The following CAMSAP2 variants were observed in gnomAD, a reference collection of about 807,000 sequenced individuals.
CAMSAP2 encodes calmodulin-regulated spectrin-associated protein 2.
CAMSAP2 carries 26 observed loss-of-function variants against 146.1 expected under a neutral mutation model. That is an observed-to-expected ratio of 0.18 (90% CI 0.13 to 0.25). The LOEUF (loss-of-function observed/expected upper bound fraction) is 0.25. Ranked by LOEUF, CAMSAP2 falls within the 10% of genes least tolerant of loss-of-function variation. The pLI, the probability that CAMSAP2 is intolerant of heterozygous loss-of-function variation, is 1.00. For missense variants in CAMSAP2, 1,381 were observed against 1,759.3 expected, an observed-to-expected ratio of 0.78 and a Z score of 3.85; for synonymous variants, 499 against 596.6, an observed-to-expected ratio of 0.84 and a Z score of 2.38.
intron 1 of CAMSAP2, among the ~76,000 whole-genome samples, chr1:200,757,891 A>T (rs1181809346): frequency 6.6e-6 from 1 of 152,220 alleles, no homozygotes; most frequent in African/African-American, 2.4e-5. Context: ...GTTAGTGGAT[A>T]TGCTTTAATG....
At chr1:200,856,218 GGT>G in intron 15 of CAMSAP2, 93 bp downstream of exon 15, 1 of 836,678 alleles carries the variant, frequency 1.2e-6, no homozygotes, top group Non-Finnish European at 1.9e-6. Context: ...CTCACCTTTG[GGT>G]CTTAAACATA....
Position 200,739,979 on chromosome 1 carries a change from A to T in CAMSAP2, c.139+13A>T, listed in dbSNP as rs775539749. On this transcript the variant is annotated intron_variant, in intron 1 of 16. Coordinates refer to ENST00000358823, the MANE Select transcript of CAMSAP2 (RefSeq NM_203459.4). This position sits in a 1 kb window ranked among gnomAD's most constrained non-coding sequence, Gnocchi z 4.8. ...GCCTTTGGGACAGGTTAGTGGTGTC[A>T]CCCTTTCCCTCCCCTCTTCCTCCTG... The T allele has an allele frequency of 6.2e-7, 1 of 1,613,044 alleles. No homozygotes were observed. Among genetic ancestry groups the T allele is most frequent in the Admixed American group, 1.7e-5 (1 of 59,960 alleles).
Position 200,849,578 on chromosome 1 carries a change from A to G in CAMSAP2, c.2809A>G (p.Lys937Glu). Reference sequence around the variant, plus strand: ...ACAGATTCGAGATTTTAAGCCTTCTAAGCAGGCAGGCCTGTCATCAGCCAT... The same window carrying G: ...ACAGATTCGAGATTTTAAGCCTTCTGAGCAGGCAGGCCTGTCATCAGCCAT... ...QKQIRDFKPS[K>E]QAGLSSAIAP... Residue 937 changes from lysine (K) to glutamate (E), a missense_variant, in exon 11 of 17, where the codon AAG becomes GAG. By Grantham distance (56) the Lys-to-Glu change is moderately conservative. Around this residue, in one of 4 missense-constraint regions of CAMSAP2, gnomAD observed 560 missense variants for 715.9 expected, o/e 0.78. Coordinates refer to ENST00000358823, the MANE Select transcript of CAMSAP2 (RefSeq NM_203459.4). The surrounding 1 kb of genome is among the most constrained non-coding windows in gnomAD (Gnocchi z 6.3). 1 of 1,614,170 alleles carries G rather than the reference A, an allele frequency of 6.2e-7. No individual in the cohort carries two copies. Among genetic ancestry groups the G allele is most frequent in the Non-Finnish European group, 8.5e-7 (1 of 1,180,012 alleles).
Position 200,844,850 on chromosome 1 carries a change from A to G in CAMSAP2, c.1090A>G (p.Ser364Gly). 1 of 1,585,574 alleles carries G rather than the reference A, an allele frequency of 6.3e-7. No homozygotes were observed. The highest frequency in any genetic ancestry group is 8.6e-7 in the Non-Finnish European group (1 of 1,166,394). ...NAAKRNVLDS[S>G]SDFPSSGEGA... ...TGCCAAAAGAAATGTCTTAGATAGT[A>G]GTTCTGACTTCCCTTCAAGGTAAAC... Residue 364 changes from serine (S) to glycine (G), a missense_variant, in exon 8 of 17, where the codon AGT (serine) becomes GGT (glycine). Transcript: ENST00000358823.
intron 2 of CAMSAP2, among the ~76,000 whole-genome samples, chr1:200,769,355 T>C (rs753660697): frequency 2.0e-5 from 3 of 152,212 alleles, no homozygotes; most frequent in Non-Finnish European, 4.4e-5. Flanking sequence ...GTTTCTCTTT[T>C]CTTCTTAGAA....
intron 1 of CAMSAP2, among the ~76,000 whole-genome samples, chr1:200,743,667 A>G (rs1278389952): frequency 6.6e-6 from 1 of 152,122 alleles, no homozygotes; most frequent in African/African-American, 2.4e-5. Flanking sequence ...TAGGCTGGGC[A>G]TGGTGGCTCA....
chr1:200,833,408 A>C (rs185260386), intron 6 of CAMSAP2, among the ~76,000 whole-genome samples: 79 of 152,204 alleles, frequency 5.2e-4, no homozygotes, highest in African/African-American at 1.8e-3. Context: ...AATAAATACA[A>C]AAATTAGCTG....
intron 14 of CAMSAP2, among the ~76,000 whole-genome samples, 154 bp from the exon 15 acceptor site, chr1:200,855,856 A>G (rs1411735104): frequency 2.6e-5 from 4 of 152,006 alleles, no homozygotes; most frequent in Non-Finnish European, 5.9e-5. Context: ...CGGCCTCCCA[A>G]AGTGCTGGGA....
chr1:200,844,984 G>T lies in CAMSAP2; in HGVS notation c.1109+115G>T, dbSNP rs1667423346. The T allele has an allele frequency of 6.5e-5, 34 of 520,072 alleles. No individual in the cohort carries two copies. In the South Asian group the frequency reaches 1.1e-3, roughly 17 times the overall value. 32.2% of individuals were successfully genotyped at this position (520,072 alleles called of 1,614,324 possible). ...AAGAATTTCAGTTGGATTTTGAACT[G>T]TTATAATTAGCTTACCCTATTAAAG... On this transcript the variant is annotated intron_variant, in intron 8 of 16. Coordinates refer to ENST00000358823, the MANE Select transcript of CAMSAP2 (RefSeq NM_203459.4).
chr1:200,739,811 A>G lies in CAMSAP2; in HGVS notation c.-17A>G, dbSNP rs1444459677. On this transcript the variant is annotated 5_prime_UTR_variant, in exon 1 of 17. Transcript: ENST00000358823. The surrounding 1 kb of genome is among the most constrained non-coding windows in gnomAD (Gnocchi z 4.8). ...TGAAGGTTAGGGCCGGGACATCCCG[A>G]GGAGCCGCGGTGAAAGATGGGGGAT... 6.4e-6 allele frequency: 10 copies of G among 1,556,952 alleles called. No individual in the cohort carries two copies. The highest frequency in any genetic ancestry group is 8.7e-6 in the Non-Finnish European group (10 of 1,146,116).
chr1:200,781,279 T>G (rs1292345143), intron 2 of CAMSAP2, among the ~76,000 whole-genome samples: 1 of 152,216 alleles, frequency 6.6e-6, no homozygotes, highest in Non-Finnish European at 1.5e-5. Flanking sequence ...ATACTAGGAA[T>G]GTCTTTATTG....
At chr1:200,785,188 T>C (rs945845077) in intron 2 of CAMSAP2, among the ~76,000 whole-genome samples, 1 of 152,182 alleles carries the variant, frequency 6.6e-6, no homozygotes, top group African/African-American at 2.4e-5. Context: ...ACAGCCATGT[T>C]CGTGAGAGAT....
chr1:200,814,454 T>A (rs1182099274), intron 3 of CAMSAP2, among the ~76,000 whole-genome samples: 1 of 151,086 alleles, frequency 6.6e-6, no homozygotes, highest in Non-Finnish European at 1.5e-5. Context: ...TAGAAATATT[T>A]AAAAAATTAG....
chr1:200,798,087 G>A (rs1665935337), intron 2 of CAMSAP2, among the ~76,000 whole-genome samples: 3 of 149,072 alleles, frequency 2.0e-5, no homozygotes, highest in African/African-American at 7.4e-5. Flanking sequence ...TTGTAGTATA[G>A]TTTGAAGTCA....
intron 4 of CAMSAP2, among the ~76,000 whole-genome samples, chr1:200,830,418 G>C (rs996049116): frequency 2.0e-5 from 3 of 152,172 alleles, no homozygotes; most frequent in African/African-American, 7.2e-5. Context: ...ATTCTTTGTT[G>C]CATGACCCTG....
At chr1:200,847,998 T>C (rs762796396) in intron 10 of CAMSAP2, 34 bp from the exon 11 acceptor site, 1 of 1,359,906 alleles carries the variant, frequency 7.4e-7, no homozygotes, top group South Asian at 1.6e-5. Flanking sequence ...TTTCTAGGAT[T>C]TTTAAAGGAT....
In CAMSAP2 at chr1:200,852,568, G is replaced by A. The variant is rs1184294057; in HGVS notation, c.3493G>A (p.Ala1165Thr). ...KDDQKAENDMAMKRAALLEKR... is the reference protein window; with the variant it reads ...KDDQKAENDMTMKRAALLEKR... ...TGATCAAAAAGCAGAAAATGATATG[G>A]CAATGAAACGGGCAGCTTTGTTGGA... The change falls in exon 12 of 17, where the codon GCA becomes ACA. Residue 1165 changes from alanine to threonine, a missense_variant. Ala to Thr is a moderately conservative substitution (Grantham distance 58). Transcript: ENST00000358823. 1 of 1,613,398 alleles carries A rather than the reference G, an allele frequency of 6.2e-7. No individual in the cohort carries two copies. The highest frequency in any genetic ancestry group is 2.2e-5 in the East Asian group (1 of 44,832).
intron 11 of CAMSAP2, among the ~76,000 whole-genome samples, chr1:200,851,189 A>T (rs1180642353): frequency 6.6e-6 from 1 of 151,550 alleles, no homozygotes; most frequent in Admixed American, 6.6e-5. Flanking sequence ...GCATCTTTTT[A>T]TTTTTATTTA....
chr1:200,818,724 C>G (rs916815027), intron 4 of CAMSAP2, among the ~76,000 whole-genome samples: 4 of 152,266 alleles, frequency 2.6e-5, no homozygotes, highest in Middle Eastern at 3.4e-3. Flanking sequence ...CTTGGTTTGA[C>G]TGGAAATATT....
Sources: allele counts gnomAD v4.1 joint callset (sites outside exome capture counted in the v4.1 genomes callset), GRCh38; gene constraint gnomAD v4.1.1; regional missense constraint gnomAD v4.1.1; non-coding constraint Gnocchi (gnomAD v3.1); transcripts MANE v1.5; gene names NCBI Gene and HGNC (gene_info 2026-07-23, HGNC 2026-07-21).